The following PLCZ1 variants were observed in gnomAD, a reference collection of about 807,000 sequenced individuals.
PLCZ1 encodes 1-phosphatidylinositol 4,5-bisphosphate phosphodiesterase zeta-1.
Under a neutral mutation model 76.8 loss-of-function variants are expected in PLCZ1, and 64 were observed. The ratio of observed to expected loss-of-function variants is 0.83; its 90% CI spans 0.68 to 1.03. PLCZ1 has a LOEUF of 1.03. PLCZ1 is among the 50% of genes least tolerant of loss of function. The pLI, the probability that PLCZ1 is intolerant of heterozygous loss-of-function variation, is 0.00. For synonymous variants in PLCZ1, 248 were observed against 230.8 expected (o/e 1.07, Z -0.68); for missense variants, 751 against 713.7 (o/e 1.05, Z -0.60).
chr12:18,737,431 G>A lies in PLCZ1; in HGVS notation c.-60C>T, dbSNP rs751020834. 2.5e-6 allele frequency: 4 copies of A among 1,610,854 alleles called. No individual in the cohort carries two copies. The highest frequency in any genetic ancestry group is 3.4e-6 in the Non-Finnish European group (4 of 1,177,140). ...TAGAAGTCTTTCCCCAGTAGGTGCT[G>A]TCATGGGTTCCAAATACAATTAACT... On this transcript the variant is annotated 5_prime_UTR_variant, in exon 2 of 15. Transcript: ENST00000266505.
At chr12:18,702,818 CTTT>C (rs71064022) in intron 7 of PLCZ1, among the ~76,000 whole-genome samples, 2 of 116,596 alleles carry the variant, frequency 1.7e-5, no homozygotes, top group Non-Finnish European at 1.7e-5. Context: ...GATAAAGTAA[CTTT>C]TTTTTTTTTT....
chr12:18,649,508 A>T, the PLCZ1 span, among the ~76,000 whole-genome samples: 4 of 152,216 alleles, frequency 2.6e-5, no homozygotes, highest in Admixed American at 2.0e-4. Context: ...CAAAAAATTA[A>T]AACTTTCTCG....
At chr12:18,719,044 T>C (rs1389226064) in intron 5 of PLCZ1, among the ~76,000 whole-genome samples, 1 of 152,198 alleles carries the variant, frequency 6.6e-6, no homozygotes, top group African/African-American at 2.4e-5. Flanking sequence ...ATAGTATGTG[T>C]CCTGATGTCT....
the PLCZ1 span, among the ~76,000 whole-genome samples, chr12:18,652,462 C>T: frequency 5.3e-5 from 8 of 152,086 alleles, no homozygotes; most frequent in African/African-American, 1.7e-4. Flanking sequence ...TCAAAAGGAA[C>T]CAACCATTGA....
the PLCZ1 span, among the ~76,000 whole-genome samples, chr12:18,661,698 G>A: frequency 6.6e-6 from 1 of 152,090 alleles, no homozygotes. Flanking sequence ...CTGCTGGTGG[G>A]AAAGAAATTA....
intron 10 of PLCZ1, among the ~76,000 whole-genome samples, chr12:18,698,419 C>A (rs1002426308): frequency 6.6e-6 from 1 of 151,970 alleles, no homozygotes; most frequent in Admixed American, 6.6e-5. Flanking sequence ...AGGAAAAGAG[C>A]CTTTAAAAAA....
chr12:18,730,070 A>G (rs1958958727), intron 3 of PLCZ1, among the ~76,000 whole-genome samples: 1 of 152,138 alleles, frequency 6.6e-6, no homozygotes, highest in Non-Finnish European at 1.5e-5. Flanking sequence ...TAGCTATGTT[A>G]GTCCCATTCT....
At chr12:18,651,226 A>G in the PLCZ1 span, among the ~76,000 whole-genome samples, 1 of 151,836 alleles carries the variant, frequency 6.6e-6, no homozygotes, top group South Asian at 2.1e-4. Context: ...TCTTCCCAAA[A>G]TGTGCCTTTG....
the PLCZ1 span, among the ~76,000 whole-genome samples, chr12:18,655,070 A>G: frequency 2.0e-5 from 3 of 152,036 alleles, no homozygotes; most frequent in African/African-American, 4.8e-5. Flanking sequence ...AAAATACCAG[A>G]GGCTTTTGAT....
chr12:18,693,868 C>T (rs1265410228), intron 12 of PLCZ1: 13 of 1,533,430 alleles, frequency 8.5e-6, no homozygotes, highest in Non-Finnish European at 1.2e-5. Flanking sequence ...AGAAGCCCAT[C>T]TTTCAGATTC....
At chr12:18,707,476 C>T (rs1281478524) in intron 6 of PLCZ1, among the ~76,000 whole-genome samples, 2 of 152,100 alleles carry the variant, frequency 1.3e-5, no homozygotes, top group Non-Finnish European at 2.9e-5. Context: ...TCTTCCCTGG[C>T]CACATTGAAA....
chr12:18,676,281 T>C, the PLCZ1 span, among the ~76,000 whole-genome samples: 1 of 152,168 alleles, frequency 6.6e-6, no homozygotes, highest in African/African-American at 2.4e-5. Context: ...TTTAGCAATA[T>C]GAGCTAATAA....
At position 18,723,212 on chromosome 12, in the gene PLCZ1, C is replaced by G. The variant is rs1958548310; in HGVS notation, c.367+99G>C. On this transcript the variant is annotated intron_variant, in intron 4 of 14. Transcript: ENST00000266505. ...CATCCAAAAACGGTAATTTGATAAC[C>G]ACAATTCATAAAAATACTTTGCTTT... The G allele has an allele frequency of 4.6e-6, 5 of 1,080,334 alleles. No individual in the cohort carries two copies. In the East Asian group the frequency reaches 1.3e-4, roughly 28 times the overall value. The allele number at this position is 1,080,334 out of a possible 1,614,324, so 66.9% of individuals were successfully genotyped here. A position where few individuals can be genotyped will look rare whatever the true frequency, so the allele number is the denominator to read the frequency against.
the PLCZ1 span, among the ~76,000 whole-genome samples, chr12:18,658,059 A>C: frequency 3.9e-5 from 6 of 152,168 alleles, no homozygotes; most frequent in Non-Finnish European, 5.9e-5. Context: ...GAAATGAAAA[A>C]TTCACAAAAG....
chr12:18,685,128 A>T (rs996521513), intron 13 of PLCZ1, among the ~76,000 whole-genome samples: 1 of 152,054 alleles, frequency 6.6e-6, no homozygotes, highest in South Asian at 2.1e-4. Flanking sequence ...TTATGGGAAG[A>T]GTTCCATACT....
intron 6 of PLCZ1, among the ~76,000 whole-genome samples, chr12:18,707,065 A>G (rs1956691119): frequency 6.6e-6 from 1 of 152,094 alleles, no homozygotes; most frequent in Admixed American, 6.6e-5. Context: ...TGGTGTATCA[A>G]ATCTCTCTCT....
At position 18,691,519 on chromosome 12, in the gene PLCZ1, A is replaced by G. The variant is rs530279934; in HGVS notation, c.1462-3301T>C. Among the ~76,000 whole-genome samples, 4 of 152,252 alleles carry G rather than the reference A, an allele frequency of 2.6e-5. No individual in the cohort carries two copies. In the South Asian group the frequency reaches 8.3e-4, roughly 32 times the overall value. On this transcript the variant is annotated intron_variant, in intron 12 of 14. Coordinates refer to ENST00000266505, the MANE Select transcript of PLCZ1 (RefSeq NM_033123.4). ...TTAGTTAACATAAATATCTTAAGGG[A>G]AGGCAGAGAAAGAGGAAGCCACAAG...
chr12:18,731,390 A>C, intron 3 of PLCZ1, among the ~76,000 whole-genome samples: 1 of 152,122 alleles, frequency 6.6e-6, no homozygotes, highest in African/African-American at 2.4e-5. Flanking sequence ...AGGTTCCTTA[A>C]GCTTAAGGTA....
intron 4 of PLCZ1, among the ~76,000 whole-genome samples, chr12:18,721,361 G>C (rs532887339): frequency 6.6e-6 from 1 of 152,126 alleles, no homozygotes; most frequent in Admixed American, 6.6e-5. Flanking sequence ...GCCTTAATAA[G>C]ACACCAAAGT....
Sources: gnomAD v4.1 joint callset for allele counts (sites outside exome capture counted in the v4.1 genomes callset) on GRCh38, gnomAD v4.1.1 for gene constraint, MANE v1.5 for transcripts, NCBI Gene and HGNC (gene_info 2026-07-23, HGNC 2026-07-21) for gene names.